The following SIK3 variants were observed in gnomAD, a reference collection of about 807,000 sequenced individuals.
SIK3 encodes the protein SIK family kinase 3.
In SIK3, 28 loss-of-function variants were observed where a neutral mutation model predicts 144.2. The observed-to-expected ratio is 0.19, with a 90% CI of 0.14 to 0.27. SIK3 has a LOEUF of 0.27. SIK3 is among the 10% of genes least tolerant of loss of function. The pLI, the probability that SIK3 is intolerant of heterozygous loss-of-function variation, is 1.00. For missense variants in SIK3, 1,319 were observed against 1,776.0 expected, an observed-to-expected ratio of 0.74 and a Z score of 4.62; for synonymous variants, 686 against 676.3, an observed-to-expected ratio of 1.01 and a Z score of -0.22.
chr11:116,964,749 T>C (rs928290914), intron 1 of SIK3, among the ~76,000 whole-genome samples: 3 of 151,916 alleles, frequency 2.0e-5, no homozygotes, highest in African/African-American at 7.3e-5. Context: ...GGTGTGGTGG[T>C]GGGCACCTGT....
At chr11:116,890,840 T>C (rs1398305752) in intron 6 of SIK3, among the ~76,000 whole-genome samples, 1 of 152,108 alleles carries the variant, frequency 6.6e-6, no homozygotes, top group African/African-American at 2.4e-5. Flanking sequence ...TTAGGGTGAC[T>C]GGTGGGAGAG....
intron 2 of SIK3, among the ~76,000 whole-genome samples, chr11:116,956,154 C>T (rs10502221): frequency 0.29 from 44,311 of 151,960 alleles, 7,990 homozygotes; most frequent in Non-Finnish European, 0.41. Flanking sequence ...CAACACATTG[C>T]AATTTGAGAA....
intron 4 of SIK3, among the ~76,000 whole-genome samples, chr11:116,921,044 GCCT>G (rs1946939522): frequency 6.6e-6 from 1 of 152,112 alleles, no homozygotes; most frequent in Non-Finnish European, 1.5e-5. Flanking sequence ...GCTGTGTTGT[GCCT>G]CGTCAGTCCT....
Position 116,875,986 on chromosome 11 carries a change from A to G in SIK3, c.1119T>C (p.Asp373=). 1 of 1,613,300 alleles carries G rather than the reference A, an allele frequency of 6.2e-7. No individual in the cohort carries two copies. Among genetic ancestry groups the G allele is most frequent in the Non-Finnish European group, 8.5e-7 (1 of 1,179,838 alleles). The change falls in exon 9 of 25, where the codon GAT becomes GAC. Residue 373 remains aspartate (D), a synonymous_variant. Coordinates refer to ENST00000445177, the MANE Select transcript of SIK3 (RefSeq NM_001366686.3). ...TLQSLRSDAY[D]HYSAIYSLLC... ...GCAGGCTGTAGATTGCACTATAGTG[A>G]TCATAGGCATCTGATCTTAATGACT...
rs1565345727 is a variant in SIK3, at chr11:116,844,642, A to ATATATATAATATATATAATATATATAT, written c.*1000_*1001insATATATATATTATATATATTATATATA. 20 of 79,464 alleles carry ATATATATAATATATATAATATATATAT rather than the reference A, an allele frequency of 2.5e-4. 1 individual carries two copies. Among genetic ancestry groups the ATATATATAATATATATAATATATATAT allele is most frequent in the Admixed American group, 6.2e-4 (5 of 8,064 alleles). 4.9% of individuals were successfully genotyped at this position (79,464 alleles called of 1,614,324 possible). A position where few individuals can be genotyped will look rare whatever the true frequency, so the allele number is the denominator to read the frequency against. ...TAATATATATATAATATATTATATTATATATTATATATATAATATATATAT... is the reference window on the plus strand; with the variant it reads ...TAATATATATATAATATATTATATTATATATATAATATATATAATATATATATTATATTATATATATAATATATATAT... On this transcript the variant is annotated 3_prime_UTR_variant, in exon 25 of 25. Transcript: ENST00000445177.
Position 117,020,258 on chromosome 11 carries a change from T to C in SIK3, c.274-63194A>G, listed in dbSNP as rs899984492. ...GTGCATATATATATACACATACATA[T>C]ATCTCCATGGTTCCTGGCTTAAAGC... On this transcript the variant is annotated intron_variant, in intron 1 of 24. Coordinates refer to ENST00000445177, the MANE Select transcript of SIK3 (RefSeq NM_001366686.3). Among the ~76,000 whole-genome samples, 2 of 150,716 alleles carry C rather than the reference T, an allele frequency of 1.3e-5. 1 individual carries two copies. The highest frequency in any genetic ancestry group is 4.9e-5 in the African/African-American group (2 of 40,666).
At chr11:117,041,149 C>T (rs1591594186) in intron 1 of SIK3, among the ~76,000 whole-genome samples, 1 of 151,798 alleles carries the variant, frequency 6.6e-6, no homozygotes, top group South Asian at 2.1e-4. Context: ...TTCAGATCTC[C>T]AGAATATCAT....
At chr11:117,094,791 C>A (rs1289950135) in intron 1 of SIK3, among the ~76,000 whole-genome samples, 3 of 151,288 alleles carry the variant, frequency 2.0e-5, no homozygotes, top group Non-Finnish European at 4.4e-5. Flanking sequence ...AAAAACAGAG[C>A]CAGAGAACCT....
At chr11:117,009,324 T>C (rs1056398302) in intron 1 of SIK3, among the ~76,000 whole-genome samples, 15 of 151,228 alleles carry the variant, frequency 9.9e-5, no homozygotes, top group Non-Finnish European at 1.6e-4. Flanking sequence ...GGAGGGAAGA[T>C]TGCTTGAGCC....
At chr11:117,031,239 C>T (rs1414442743) in intron 1 of SIK3, among the ~76,000 whole-genome samples, 1 of 152,036 alleles carries the variant, frequency 6.6e-6, no homozygotes, top group Non-Finnish European at 1.5e-5. Context: ...GCTCTATATC[C>T]TAAACATTTT....
intron 6 of SIK3, among the ~76,000 whole-genome samples, chr11:116,877,743 C>T (rs527271748): frequency 5.7e-4 from 80 of 139,394 alleles, no homozygotes; most frequent in African/African-American, 2.2e-3. Context: ...AATCAAGAAA[C>T]GTATATTCTG....
chr11:117,026,297 A>AGGCT (rs1028768395), intron 1 of SIK3, among the ~76,000 whole-genome samples: 3 of 152,296 alleles, frequency 2.0e-5, no homozygotes, highest in Admixed American at 2.0e-4. Flanking sequence ...GGTGGGTAGT[A>AGGCT]GGCTATACCA....
chr11:117,062,333 G>A (rs992525596), intron 1 of SIK3, among the ~76,000 whole-genome samples: 5 of 152,040 alleles, frequency 3.3e-5, no homozygotes, highest in East Asian at 3.9e-4. Context: ...ATATTCTCAC[G>A]TTATCCAAAT....
At position 116,971,855 on chromosome 11, in the gene SIK3, G is replaced by A. The variant is rs567937657; in HGVS notation, c.274-14791C>T. On this transcript the variant is annotated intron_variant, in intron 1 of 24. Transcript: ENST00000445177. ...TGTAATCCCAGCACTTTGGGAGGCCGAGGCGGGTGGATCACGAGGTCAGGA... is the reference window on the plus strand; with the variant it reads ...TGTAATCCCAGCACTTTGGGAGGCCAAGGCGGGTGGATCACGAGGTCAGGA... Among the ~76,000 whole-genome samples, 8 of 152,174 alleles carry A rather than the reference G, an allele frequency of 5.3e-5. No homozygotes were observed. The East Asian group carries it at 7.8e-4, about 15-fold the overall frequency.
At chr11:116,950,387 G>A in intron 3 of SIK3, 1 of 267,550 alleles carries the variant, frequency 3.7e-6, no homozygotes, top group South Asian at 3.1e-5. Flanking sequence ...ATATCAAAAT[G>A]GAGTCACTCA....
Position 116,876,013 on chromosome 11 carries a change from C to A in SIK3, c.1096-4G>T. 1 of 1,613,320 alleles carries A rather than the reference C, an allele frequency of 6.2e-7. No homozygotes were observed. The highest frequency in any genetic ancestry group is 8.5e-7 in the Non-Finnish European group (1 of 1,179,856). Reference sequence around the variant, plus strand: ...CATAGGCATCTGATCTTAATGACTACCAAGAGAGAAGGGAAAAGAGTACAA... The same window carrying A: ...CATAGGCATCTGATCTTAATGACTAACAAGAGAGAAGGGAAAAGAGTACAA... On this transcript the variant is annotated splice_polypyrimidine_tract_variant and splice_region_variant and intron_variant, in intron 8 of 24. Coordinates refer to ENST00000445177, the MANE Select transcript of SIK3 (RefSeq NM_001366686.3).
intron 15 of SIK3, chr11:116,864,116 A>C (rs984131634): frequency 6.2e-5 from 14 of 226,388 alleles, no homozygotes; most frequent in Admixed American, 2.5e-4. Context: ...CCAGAGAGAA[A>C]AGCTTCTCAA....
intron 14 of SIK3, 125 bp downstream of exon 14, chr11:116,870,206 G>A: frequency 6.4e-7 from 1 of 1,550,598 alleles, no homozygotes; most frequent in Middle Eastern, 1.7e-4. Flanking sequence ...CATCTGGCTT[G>A]AGCAAAGAGA....
At chr11:116,964,972 G>C (rs1021097590) in intron 1 of SIK3, among the ~76,000 whole-genome samples, 1 of 152,102 alleles carries the variant, frequency 6.6e-6, no homozygotes, top group South Asian at 2.1e-4. Context: ...CTGCCCTCTA[G>C]GCTGTACTGA....
Sources: gnomAD v4.1 joint callset for allele counts (sites outside exome capture counted in the v4.1 genomes callset) on GRCh38, gnomAD v4.1.1 for gene constraint, MANE v1.5 for transcripts, NCBI Gene and HGNC (gene_info 2026-07-23, HGNC 2026-07-21) for gene names.